DAG1: variants seen among roughly 807,000 people sequenced by gnomAD.
DAG1 encodes dystroglycan 1 (dystrophin-associated glycoprotein 1).
Under a neutral mutation model 46.1 loss-of-function variants are expected in DAG1, and 8 were observed. The observed-to-expected ratio is 0.17, with a 90% CI of 0.10 to 0.31. The LOEUF (loss-of-function observed/expected upper bound fraction) is 0.31, where lower values mean the gene tolerates loss of function less well. DAG1 is among the 10% of genes least tolerant of loss of function. The pLI is 1.00. For missense variants in DAG1, 1,003 were observed against 1,189.9 expected (o/e 0.84, Z 2.31); for synonymous variants, 495 against 481.8 (o/e 1.03, Z -0.36).
At position 49,520,586 on chromosome 3, in the gene DAG1, C is replaced by T. The variant is rs577121921; in HGVS notation, c.285+9767C>T. Among the ~76,000 whole-genome samples the T allele has an allele frequency of 9.2e-5, 14 of 152,260 alleles. 1 individual carries two copies. In the South Asian group the frequency reaches 2.7e-3, roughly 29 times the overall value. On this transcript the variant is annotated intron_variant, in intron 2 of 2. Coordinates refer to ENST00000308775, the MANE Select transcript of DAG1 (RefSeq NM_004393.6). ...CTGCAGGTCCAGCATTGGGATGTCA[C>T]GGGGCAGCAGTCTGTATCACTTTGA...
intron 2 of DAG1, among the ~76,000 whole-genome samples, chr3:49,518,594 C>G (rs1003496431): frequency 2.6e-5 from 4 of 152,230 alleles, no homozygotes; most frequent in Non-Finnish European, 5.9e-5. Context: ...GGTATAGCCC[C>G]AAGATCCTGG....
chr3:49,511,869 C>T (rs2050768897), intron 2 of DAG1, among the ~76,000 whole-genome samples: 2 of 152,186 alleles, frequency 1.3e-5, no homozygotes, highest in South Asian at 2.1e-4. Context: ...CAGAACTCCT[C>T]GACTCTGCCT....
At chr3:49,514,802 CAT>C (rs1000526650) in intron 2 of DAG1, among the ~76,000 whole-genome samples, 7 of 124,810 alleles carry the variant, frequency 5.6e-5, no homozygotes, top group South Asian at 2.3e-4. Context: ...CCACTCCTGG[CAT>C]ATGTGTGTGT....
chr3:49,520,460 G>A (rs1187959928), intron 2 of DAG1, among the ~76,000 whole-genome samples: 1 of 152,246 alleles, frequency 6.6e-6, no homozygotes, highest in Admixed American at 6.5e-5. Flanking sequence ...ATGGCTGCAG[G>A]TTGGCCCAGC....
chr3:49,501,872 C>T (rs558565162), intron 1 of DAG1, among the ~76,000 whole-genome samples: 1 of 151,558 alleles, frequency 6.6e-6, no homozygotes, highest in Non-Finnish European at 1.5e-5. Flanking sequence ...AAAGAAAACA[C>T]TATGCAACAG....
chr3:49,505,050 C>T (rs1252657052), intron 1 of DAG1, among the ~76,000 whole-genome samples: 1 of 150,582 alleles, frequency 6.6e-6, no homozygotes, highest in African/African-American at 2.5e-5. Flanking sequence ...GGCTGGAGTG[C>T]AGTGGTGTGA....
chr3:49,524,062 A>G (rs764215119), intron 2 of DAG1, among the ~76,000 whole-genome samples: 6 of 152,210 alleles, frequency 3.9e-5, no homozygotes, highest in African/African-American at 1.4e-4. Context: ...TCCAGAGCCT[A>G]TAAGTTTTGA....
chr3:49,531,890 C>T lies in DAG1; in HGVS notation c.1379C>T (p.Pro460Leu), dbSNP rs2051359862. 6.2e-7 allele frequency: 1 copy of T among 1,614,020 alleles called. No homozygotes were observed. The highest frequency in any genetic ancestry group is 1.3e-5 in the African/African-American group (1 of 74,898). Residue 460 changes from proline (P) to leucine (L), a missense_variant, in exon 3 of 3, where the codon CCC (proline) becomes CTC (leucine). By Grantham distance (98) the Pro-to-Leu change is moderately conservative. This residue lies in a region of DAG1 where 755 missense variants were observed against 854.1 expected (regional missense o/e 0.88). Transcript: ENST00000308775. This position sits in a 1 kb window ranked among gnomAD's most constrained non-coding sequence, Gnocchi z 7.0. ...AAACCACGGACACCCCGGCCAGTGCCCCGGGTCACCACCAAAGTTTCCATC... is the reference window on the plus strand; with the variant it reads ...AAACCACGGACACCCCGGCCAGTGCTCCGGGTCACCACCAAAGTTTCCATC... The part of the protein sequence containing the change: ...TKKPRTPRPV[P>L]RVTTKVSITR...
chr3:49,526,261 C>T lies in DAG1; in HGVS notation c.286-4536C>T, dbSNP rs2051168612. 2.0e-5 allele frequency among the ~76,000 whole-genome samples: 3 copies of T among 152,212 alleles called. No homozygotes were observed. In the South Asian group the frequency reaches 6.2e-4, roughly 32 times the overall value. On this transcript the variant is annotated intron_variant, in intron 2 of 2. Transcript: ENST00000308775. Reference sequence around the variant, plus strand: ...TCACCCCCATGATCCAGTCCCCTCCCCCAGACCCCACCTCCAACACTAGGG... The same window carrying T: ...TCACCCCCATGATCCAGTCCCCTCCTCCAGACCCCACCTCCAACACTAGGG...
At chr3:49,475,425 G>C (rs1280007272) in intron 1 of DAG1, among the ~76,000 whole-genome samples, 1 of 50,294 alleles carries the variant, frequency 2.0e-5, no homozygotes, top group African/African-American at 7.3e-5. Flanking sequence ...TTTTTTTTTT[G>C]AGATGGAGTC....
At chr3:49,511,302 A>G (rs2050755670) in intron 2 of DAG1, among the ~76,000 whole-genome samples, 1 of 152,198 alleles carries the variant, frequency 6.6e-6, no homozygotes, top group African/African-American at 2.4e-5. Context: ...GCCTTGCCCC[A>G]TATCCTTTGG....
chr3:49,478,239 A>T (rs1171646197), intron 1 of DAG1, among the ~76,000 whole-genome samples: 1 of 143,040 alleles, frequency 7.0e-6, no homozygotes, highest in African/African-American at 2.6e-5. Flanking sequence ...GTGCTGTTGC[A>T]CTCCATCCTG....
At chr3:49,494,880 G>A (rs752515076) in intron 1 of DAG1, among the ~76,000 whole-genome samples, 21 of 151,926 alleles carry the variant, frequency 1.4e-4, no homozygotes, top group African/African-American at 4.4e-4. Context: ...TGATCCACCC[G>A]CCTCAGCCTC....
At chr3:49,513,416 G>A (rs566522431) in intron 2 of DAG1, among the ~76,000 whole-genome samples, 1 of 152,212 alleles carries the variant, frequency 6.6e-6, no homozygotes, top group South Asian at 2.1e-4. Context: ...TTACTCCATT[G>A]GTCAAAGCAC....
At position 49,535,063 on chromosome 3, in the gene DAG1, C is replaced by G. The variant is rs1409654274; in HGVS notation, c.*1864C>G. 6.6e-6 allele frequency: 1 copy of G among 152,262 alleles called. No homozygotes were observed. Among genetic ancestry groups the G allele is most frequent in the Non-Finnish European group, 1.5e-5 (1 of 68,088 alleles). 9.4% of individuals were successfully genotyped at this position (152,262 alleles called of 1,614,324 possible). On this transcript the variant is annotated 3_prime_UTR_variant, in exon 3 of 3. Coordinates refer to ENST00000308775, the MANE Select transcript of DAG1 (RefSeq NM_004393.6). ...CAGCCCCTCTCCCCTGCCCCAGTCC[C>G]CAGGGGGTACTCTGGAGTGAGCAGT...
chr3:49,495,982 C>T (rs977201100), intron 1 of DAG1, among the ~76,000 whole-genome samples: 1 of 152,080 alleles, frequency 6.6e-6, no homozygotes, highest in African/African-American at 2.4e-5. Flanking sequence ...ATGGTTTGGC[C>T]TGGTCCTTAT....
At chr3:49,505,454 T>TA (rs1391224966) in intron 1 of DAG1, among the ~76,000 whole-genome samples, 6 of 152,180 alleles carry the variant, frequency 3.9e-5, no homozygotes. Context: ...GTTTAAATGA[T>TA]ACTGTATTTT....
chr3:49,496,244 C>T lies in DAG1; in HGVS notation c.-116-14175C>T, dbSNP rs369125591. ...CTGGAGCACAGTGGTGGAGTCATGG[C>T]TCATGGCAGCCTCAACCTCCCAGGC... is the stretch of plus-strand genomic sequence containing the variant. On this transcript the variant is annotated intron_variant, in intron 1 of 2. Coordinates refer to ENST00000308775, the MANE Select transcript of DAG1 (RefSeq NM_004393.6). Among the ~76,000 whole-genome samples, 7 of 152,212 alleles carry T rather than the reference C, an allele frequency of 4.6e-5. No homozygotes were observed. In the East Asian group the frequency reaches 1.3e-3, roughly 29 times the overall value.
At chr3:49,471,566 G>C (rs1419109257) in intron 1 of DAG1, among the ~76,000 whole-genome samples, 1 of 152,160 alleles carries the variant, frequency 6.6e-6, no homozygotes, top group Non-Finnish European at 1.5e-5. Context: ...TAAGGAAGAA[G>C]AGCTCATGGC....
Sources: gnomAD v4.1 joint callset for allele counts (sites outside exome capture counted in the v4.1 genomes callset) on GRCh38, gnomAD v4.1.1 for gene constraint, gnomAD v4.1.1 regional missense constraint, Gnocchi (gnomAD v3.1) non-coding constraint, MANE v1.5 for transcripts, NCBI Gene and HGNC (gene_info 2026-07-23, HGNC 2026-07-21) for gene names.